The following GALNT10 variants were observed in gnomAD, a reference collection of about 807,000 sequenced individuals.
The protein encoded by GALNT10 is GalNAc transferase 10.
GALNT10 carries 41 observed loss-of-function variants against 75.0 expected under a neutral mutation model. The observed-to-expected ratio is 0.55, with a 90% CI of 0.43 to 0.71. The LOEUF is 0.71. Among genes scored for constraint, GALNT10 ranks in the 30% least tolerant of loss-of-function variants. The pLI is 0.00. For synonymous variants in GALNT10, 302 were observed against 313.0 expected (o/e 0.96, Z 0.37); for missense variants, 727 against 818.5 (o/e 0.89, Z 1.36).
At chr5:154,397,487 G>A (rs2072437957) in intron 7 of GALNT10, among the ~76,000 whole-genome samples, 1 of 152,122 alleles carries the variant, frequency 6.6e-6, no homozygotes, top group African/African-American at 2.4e-5. Context: ...GGTAGGCACA[G>A]TAATTTTTCC....
intron 3 of GALNT10, among the ~76,000 whole-genome samples, chr5:154,310,857 C>A (rs9986119): frequency 0.45 from 68,528 of 152,010 alleles, 16,774 homozygotes; most frequent in East Asian, 0.63. Flanking sequence ...GTTTCTTCCA[C>A]GATAACAGTT....
intron 1 of GALNT10, among the ~76,000 whole-genome samples, chr5:154,207,498 C>G (rs1392825354): frequency 6.6e-6 from 1 of 152,140 alleles, no homozygotes; most frequent in East Asian, 1.9e-4. Context: ...CTAAACAGGT[C>G]AAGTCAGAGT....
chr5:154,232,488 G>A (rs181086303), intron 1 of GALNT10, among the ~76,000 whole-genome samples: 298 of 152,274 alleles, frequency 2.0e-3, no homozygotes, highest in African/African-American at 6.7e-3. Context: ...GGTGGTGGGG[G>A]AACAGACAAT....
At chr5:154,248,311 T>C (rs2113672641) in intron 1 of GALNT10, among the ~76,000 whole-genome samples, 1 of 152,358 alleles carries the variant, frequency 6.6e-6, no homozygotes, top group African/African-American at 2.4e-5. Context: ...GGTATCAGGA[T>C]GATGCTGGCC....
chr5:154,382,971 A>G (rs904697945), intron 6 of GALNT10, among the ~76,000 whole-genome samples: 1 of 152,218 alleles, frequency 6.6e-6, no homozygotes, highest in Admixed American at 6.5e-5. Flanking sequence ...ACACATTGAC[A>G]TCACCTGGGG....
intron 1 of GALNT10, among the ~76,000 whole-genome samples, chr5:154,275,362 AT>A (rs1368233032): frequency 3.6e-4 from 55 of 152,318 alleles, no homozygotes; most frequent in African/African-American, 1.3e-3. Flanking sequence ...GTAGTTTGAT[AT>A]TGCCATGACA....
At chr5:154,380,739 C>T (rs1185912357) in intron 6 of GALNT10, 108 bp downstream of exon 6, 1 of 685,694 alleles carries the variant, frequency 1.5e-6, no homozygotes. Context: ...GCAGAGGGTC[C>T]AGCTTCCCAG....
At chr5:154,353,324 T>C (rs1755239841) in intron 4 of GALNT10, among the ~76,000 whole-genome samples, 2 of 152,152 alleles carry the variant, frequency 1.3e-5, no homozygotes, top group African/African-American at 4.8e-5. Context: ...AATATCATCC[T>C]ACCATACTCA....
Position 154,412,042 on chromosome 5 carries a change from T to C in GALNT10, c.1387-847T>C, listed in dbSNP as rs1346117037. Among the ~76,000 whole-genome samples the C allele has an allele frequency of 6.6e-6, 1 of 152,162 alleles. No homozygotes were observed. The highest frequency in any genetic ancestry group is 1.5e-5 in the Non-Finnish European group (1 of 68,036). On this transcript the variant is annotated intron_variant, in intron 9 of 11. Coordinates refer to ENST00000297107, the MANE Select transcript of GALNT10 (RefSeq NM_198321.4). This position sits in a 1 kb window ranked among gnomAD's most constrained non-coding sequence, Gnocchi z 4.2. ...AACATCTCGCAAGAGTGGGTCTGCC[T>C]CACCCATTGGCTGGGATCCATCCAT...
chr5:154,344,732 T>C (rs890344919), intron 4 of GALNT10, among the ~76,000 whole-genome samples: 13 of 152,200 alleles, frequency 8.5e-5, no homozygotes, highest in Admixed American at 7.2e-4. Flanking sequence ...TCCACTGATA[T>C]TAGAAAGCCG....
intron 9 of GALNT10, among the ~76,000 whole-genome samples, chr5:154,410,834 C>T (rs1273625743): frequency 1.3e-5 from 2 of 152,248 alleles, no homozygotes; most frequent in Non-Finnish European, 2.9e-5. Context: ...CTCATGCACA[C>T]GCTCCAGTGT....
intron 3 of GALNT10, among the ~76,000 whole-genome samples, chr5:154,311,892 A>G (rs1754524937): frequency 6.6e-6 from 1 of 152,152 alleles, no homozygotes; most frequent in African/African-American, 2.4e-5. Flanking sequence ...AATTACAGGC[A>G]TGAGCCACCG....
chr5:154,341,597 A>G (rs2113131440), intron 4 of GALNT10, among the ~76,000 whole-genome samples: 1 of 152,314 alleles, frequency 6.6e-6, no homozygotes, highest in East Asian at 1.9e-4. Flanking sequence ...TAGAAAACTC[A>G]AACTAACAAT....
intron 3 of GALNT10, among the ~76,000 whole-genome samples, chr5:154,320,578 C>T (rs541950557): frequency 2.0e-5 from 3 of 152,210 alleles, no homozygotes; most frequent in South Asian, 2.1e-4. Context: ...CTTTCTTGGC[C>T]GCAAAGGATT....
intron 1 of GALNT10, among the ~76,000 whole-genome samples, chr5:154,213,935 C>G (rs1752823989): frequency 6.6e-6 from 1 of 152,142 alleles, no homozygotes; most frequent in South Asian, 2.1e-4. Context: ...CCAAGGGTCT[C>G]TTTTGCAAGA....
intron 1 of GALNT10, among the ~76,000 whole-genome samples, chr5:154,267,405 C>T (rs1753795788): frequency 6.6e-6 from 1 of 152,220 alleles, no homozygotes; most frequent in South Asian, 2.1e-4. Context: ...TCTGCTTCTT[C>T]AGCTGCTTTC....
chr5:154,260,609 A>G (rs1251661249), intron 1 of GALNT10, among the ~76,000 whole-genome samples: 1 of 152,208 alleles, frequency 6.6e-6, no homozygotes, highest in East Asian at 1.9e-4. Context: ...AACAAATCAG[A>G]AAATATTCAA....
At position 154,416,131 on chromosome 5, in the gene GALNT10, A is replaced by G. The variant is rs372143706; in HGVS notation, c.1653+199A>G. On this transcript the variant is annotated intron_variant, in intron 11 of 11. Transcript: ENST00000297107. The surrounding 1 kb of genome is among the most constrained non-coding windows in gnomAD (Gnocchi z 4.5). ...AATCCTCAAGTCTTAAATGTTGGCAACTGATTCCATTTAAAAAGAAAAGTG... is the reference window on the plus strand; with the variant it reads ...AATCCTCAAGTCTTAAATGTTGGCAGCTGATTCCATTTAAAAAGAAAAGTG... Among the ~76,000 whole-genome samples the G allele has an allele frequency of 3.4e-4, 52 of 152,342 alleles. No homozygotes were observed. The highest frequency in any genetic ancestry group is 1.2e-3 in the African/African-American group (51 of 41,576).
chr5:154,208,193 T>G (rs1336779730), intron 1 of GALNT10, among the ~76,000 whole-genome samples: 1 of 152,192 alleles, frequency 6.6e-6, no homozygotes, highest in African/African-American at 2.4e-5. Context: ...TGCTAAGCAC[T>G]TGACATTCTA....
Sources: allele counts gnomAD v4.1 joint callset (sites outside exome capture counted in the v4.1 genomes callset), GRCh38; gene constraint gnomAD v4.1.1; non-coding constraint Gnocchi (gnomAD v3.1); transcripts MANE v1.5; gene names NCBI Gene and HGNC (gene_info 2026-07-23, HGNC 2026-07-21).